Variants in ALDH16A1 observed in about 807,000 individuals in gnomAD.
ALDH16A1 encodes aldehyde dehydrogenase 16 family member A1, also known as aldehyde dehydrogenase family 16 member A1.
In ALDH16A1, 88 loss-of-function variants were observed where a neutral mutation model predicts 96.1. The observed-to-expected ratio is 0.92, with a 90% CI of 0.77 to 1.09. ALDH16A1 has a LOEUF of 1.09. Ranked by LOEUF, ALDH16A1 falls within the 50% of genes least tolerant of loss-of-function variation. The pLI is 0.00. For missense variants in ALDH16A1, 1,250 were observed against 1,112.6 expected (o/e 1.12, Z -1.76); for synonymous variants, 522 against 496.4 (o/e 1.05, Z -0.69).
intron 4 of ALDH16A1, among the ~76,000 whole-genome samples, chr19:49,460,283 T>C (rs1313561111): frequency 5.9e-5 from 9 of 152,034 alleles, no homozygotes; most frequent in Non-Finnish European, 2.9e-5. Context: ...TCTGTCACCC[T>C]GGCTGGAGTA....
intron 14 of ALDH16A1, among the ~76,000 whole-genome samples, chr19:49,466,486 C>T (rs984581308): frequency 5.9e-5 from 9 of 152,198 alleles, no homozygotes; most frequent in South Asian, 2.1e-4. Context: ...CGTAGAGTAG[C>T]GTTCGCCAGA....
Position 49,460,818 on chromosome 19 carries a change from G to A in ALDH16A1, c.500-4G>A, listed in dbSNP as rs750109013. 8 of 1,598,862 alleles carry A rather than the reference G, an allele frequency of 5.0e-6. No individual in the cohort carries two copies. The highest frequency in any genetic ancestry group is 6.0e-6 in the Non-Finnish European group (7 of 1,171,364). On this transcript the variant is annotated splice_region_variant and splice_polypyrimidine_tract_variant and intron_variant, in intron 4 of 16. Coordinates refer to ENST00000293350, the MANE Select transcript of ALDH16A1 (RefSeq NM_153329.4). ...GATCCTCTTGCCTCATTTTTTTCTT[G>A]CAGGAGTAATTGGCCTCATCCTGCC... is the stretch of plus-strand genomic sequence containing the variant.
intron 14 of ALDH16A1, among the ~76,000 whole-genome samples, chr19:49,467,392 CTTTCT>C (rs1227582264): frequency 3.8e-4 from 51 of 135,372 alleles, no homozygotes; most frequent in African/African-American, 1.3e-3. Context: ...ATATTTCTTT[CTTTCT>C]TTTTTTTTTT....
intron 1 of ALDH16A1, among the ~76,000 whole-genome samples, chr19:49,457,480 G>T (rs1018027790): frequency 6.6e-6 from 1 of 151,168 alleles, no homozygotes; most frequent in Admixed American, 6.6e-5. Context: ...TCCAGGAGGC[G>T]GACCTTGCAG....
intron 7 of ALDH16A1, 100 bp downstream of exon 7, chr19:49,462,136 A>G (rs1169619243): frequency 7.9e-6 from 11 of 1,389,164 alleles, no homozygotes; most frequent in Non-Finnish European, 9.4e-6. Flanking sequence ...ATTTTATTTT[A>G]TTTTATTTAT....
At chr19:49,460,739 G>A in intron 4 of ALDH16A1, 83 bp from the exon 5 acceptor site, 2 of 889,402 alleles carry the variant, frequency 2.2e-6, no homozygotes, top group South Asian at 1.4e-5. Context: ...TCCTAATGTA[G>A]CCATGGGGTC....
In ALDH16A1 at chr19:49,459,703, G is replaced by T. The variant is rs772182484; in HGVS notation, c.354G>T (p.Leu118=). 42 of 1,611,940 alleles carry T rather than the reference G, an allele frequency of 2.6e-5. No individual in the cohort carries two copies. The highest frequency in any genetic ancestry group is 3.6e-5 in the Non-Finnish European group (42 of 1,179,310). The part of the protein sequence containing the change: ...LAEVIQKHQR[L]LWTLESLVTG... Reference sequence around the variant, plus strand: ...AGGTGATCCAGAAGCACCAGCGGCTGCTGTGGACCCTGGAATCCCTGGTGA... The same window carrying T: ...AGGTGATCCAGAAGCACCAGCGGCTTCTGTGGACCCTGGAATCCCTGGTGA... The change falls in exon 4 of 17, where the codon CTG becomes CTT. Residue 118 remains leucine (L), a synonymous_variant. Transcript: ENST00000293350. The surrounding 1 kb of genome is among the most constrained non-coding windows in gnomAD (Gnocchi z 4.1).
At chr19:49,463,817 G>A (rs751249205) in intron 8 of ALDH16A1, 37 bp from the exon 9 acceptor site, 1 of 1,588,562 alleles carries the variant, frequency 6.3e-7, no homozygotes, top group Non-Finnish European at 8.6e-7. Context: ...AGCAGGAAGG[G>A]ACCAGAAGTC....
chr19:49,453,659 ACTC>A (rs1418458387), intron 1 of ALDH16A1, among the ~76,000 whole-genome samples: 11 of 151,064 alleles, frequency 7.3e-5, no homozygotes, highest in African/African-American at 2.7e-4. Flanking sequence ...TTGATCCTGA[ACTC>A]CTCGTAGTGT....
Position 49,468,462 on chromosome 19 carries a change from C to G in ALDH16A1, c.2020C>G (p.Leu674Val), listed in dbSNP as rs148494406. ...LAVVCPDEWP[L>V]LAFVSLLAPA... is the part of the protein sequence containing the mutation. The stretch of plus-strand genomic sequence containing the variant: ...TGTGGTGTGTCCGGACGAGTGGCCC[C>G]TGCTTGCCTTCGTGTCCCTGCTGGC... Residue 674 changes from leucine to valine, a missense_variant, in exon 15 of 17, where the codon CTG becomes GTG. By Grantham distance (32) the Leu-to-Val change is conservative (BLOSUM62 1). Coordinates refer to ENST00000293350, the MANE Select transcript of ALDH16A1 (RefSeq NM_153329.4). This position sits in a 1 kb window ranked among gnomAD's most constrained non-coding sequence, Gnocchi z 4.4. 23 of 1,602,156 alleles carry G rather than the reference C, an allele frequency of 1.4e-5. No individual in the cohort carries two copies. Among genetic ancestry groups the G allele is most frequent in the Non-Finnish European group, 1.7e-5 (20 of 1,179,842 alleles).
At chr19:49,465,245 T>C (rs2079188347) in intron 12 of ALDH16A1, among the ~76,000 whole-genome samples, 2 of 147,666 alleles carry the variant, frequency 1.4e-5, no homozygotes, top group Non-Finnish European at 3.0e-5. Context: ...CAGAGGCTCA[T>C]GGGAGCAGAA....
Position 49,460,000 on chromosome 19 carries a change from TC to T in ALDH16A1, c.499+155del. On this transcript the variant is annotated intron_variant, in intron 4 of 16. Transcript: ENST00000293350. The surrounding 1 kb of genome is among the most constrained non-coding windows in gnomAD (Gnocchi z 4.1). Reference sequence around the variant, plus strand: ...ATCTTGGCTCACTATAACCTCCGCCTCCCGGGTTCAAGTGATTCTCCTGCCT... The same window carrying T: ...ATCTTGGCTCACTATAACCTCCGCCTCCGGGTTCAAGTGATTCTCCTGCCT... 1 of 967,982 alleles carries T rather than the reference TC, an allele frequency of 1.0e-6. No homozygotes were observed. 60.0% of individuals were successfully genotyped at this position (967,982 alleles called of 1,614,324 possible).
chr19:49,464,872 T>G, intron 12 of ALDH16A1, 110 bp downstream of exon 12: 3 of 1,525,730 alleles, frequency 2.0e-6, no homozygotes, highest in Non-Finnish European at 2.7e-6. Flanking sequence ...AACCATCTCT[T>G]AGTCCTGCTG....
At chr19:49,456,929 A>G (rs1021336653) in intron 1 of ALDH16A1, among the ~76,000 whole-genome samples, 6 of 151,944 alleles carry the variant, frequency 3.9e-5, no homozygotes, top group Non-Finnish European at 7.4e-5. Flanking sequence ...CCAACATGGT[A>G]AAAACCCATC....
Position 49,461,889 on chromosome 19 carries a change from G to C in ALDH16A1, c.765G>C (p.Gly255=). Residue 255 remains glycine, a synonymous_variant, in exon 7 of 17, where the codon GGG becomes GGC. Transcript: ENST00000293350. The part of the protein sequence containing the change: ...KVAFCGAPEE[G]RALRRSLAGE... ...GAACTGGGGGGGGTCCCTAGGAAGG[G>C]CGTGCCCTTCGACGGAGCCTGGCGG... 1.3e-6 allele frequency: 2 copies of C among 1,587,476 alleles called. No homozygotes were observed. The highest frequency in any genetic ancestry group is 1.7e-6 in the Non-Finnish European group (2 of 1,167,196).
At chr19:49,462,172 G>A (rs1285767734) in intron 7 of ALDH16A1, 136 bp downstream of exon 7, 12 of 1,305,280 alleles carry the variant, frequency 9.2e-6, no homozygotes, top group South Asian at 1.7e-5. Flanking sequence ...CACTCTTGTC[G>A]CCCAGGCTGG....
chr19:49,468,503 C>T lies in ALDH16A1; in HGVS notation c.2061C>T (p.Tyr687=), dbSNP rs748164910. 2.3e-5 allele frequency: 37 copies of T among 1,603,918 alleles called. No individual in the cohort carries two copies. Among genetic ancestry groups the T allele is most frequent in the East Asian group, 2.0e-4 (9 of 44,864 alleles). ...FVSLLAPALA[Y]GNTVVMVPSA... ...CCCTGCTGGCTCCCGCCCTGGCCTA[C>T]GGCAACACTGTGGTCATGGTGCCCA... Residue 687 remains tyrosine (Y), a synonymous_variant, in exon 15 of 17, where the codon TAC becomes TAT. Coordinates refer to ENST00000293350, the MANE Select transcript of ALDH16A1 (RefSeq NM_153329.4). The surrounding 1 kb of genome is among the most constrained non-coding windows in gnomAD (Gnocchi z 4.4).
chr19:49,469,111 A>C, intron 16 of ALDH16A1, 125 bp downstream of exon 16: 1 of 1,394,046 alleles, frequency 7.2e-7, no homozygotes, highest in Non-Finnish European at 9.6e-7. Flanking sequence ...CTTGACAAGA[A>C]GGTTTTGAGG....
chr19:49,458,363 A>T, intron 1 of ALDH16A1, 123 bp from the exon 2 acceptor site: 1 of 710,878 alleles, frequency 1.4e-6, no homozygotes, highest in Admixed American at 2.7e-5. Flanking sequence ...AAGCAATAGG[A>T]GGAAAAGAAT....
Sources: gnomAD v4.1 joint callset for allele counts (sites outside exome capture counted in the v4.1 genomes callset) on GRCh38, gnomAD v4.1.1 for gene constraint, Gnocchi (gnomAD v3.1) non-coding constraint, MANE v1.5 for transcripts, NCBI Gene and HGNC (gene_info 2026-07-23, HGNC 2026-07-21) for gene names.